Variants in MAST2 observed in about 807,000 individuals in gnomAD.
The protein encoded by MAST2 is microtubule associated serine/threonine kinase 2.
A neutral mutation model predicts 147.4 loss-of-function variants in MAST2; 70 were observed. The observed-to-expected ratio is 0.47, with a 90% CI of 0.39 to 0.58. The LOEUF (loss-of-function observed/expected upper bound fraction) is 0.58. MAST2 is among the 20% of genes least tolerant of loss of function. The probability of loss-of-function intolerance (pLI) is 0.00; values close to 1 mark genes in which losing one functional copy is unlikely to be tolerated. For synonymous variants in MAST2, 869 were observed against 896.8 expected, an observed-to-expected ratio of 0.97 and a Z score of 0.55; for missense variants, 2,080 against 2,302.3, an observed-to-expected ratio of 0.90 and a Z score of 1.98.
chr1:45,981,677 C>T (rs978170699), intron 5 of MAST2, among the ~76,000 whole-genome samples: 38 of 152,092 alleles, frequency 2.5e-4, no homozygotes, highest in African/African-American at 8.9e-4. Flanking sequence ...CAGAAATGTA[C>T]AAGGGCAGCT....
At chr1:45,876,074 A>G (rs558363008) in intron 3 of MAST2, among the ~76,000 whole-genome samples, 2 of 152,342 alleles carry the variant, frequency 1.3e-5, no homozygotes, top group East Asian at 3.9e-4. Flanking sequence ...CCAGGACAGA[A>G]GAGTGAATGA....
At chr1:45,849,183 A>G (rs796217049) in intron 3 of MAST2, among the ~76,000 whole-genome samples, 71 of 152,334 alleles carry the variant, frequency 4.7e-4, no homozygotes, top group African/African-American at 1.6e-3. Flanking sequence ...ATTCAATGCT[A>G]TTCCTATCAA....
Position 45,882,355 on chromosome 1 carries a change from G to GT in MAST2, c.469-4dup, listed in dbSNP as rs1646891095. ...CTTATTTCTAACTTGCATATGTTTT[G>GT]TTTTTCAGAAGGAGTTGAGCCTTCC... On this transcript the variant is annotated splice_polypyrimidine_tract_variant and intron_variant, in intron 3 of 28. Transcript: ENST00000361297. The GT allele has an allele frequency of 1.2e-6, 2 of 1,610,672 alleles. No individual in the cohort carries two copies. The highest frequency in any genetic ancestry group is 1.7e-5 in the Admixed American group (1 of 59,990).
intron 10 of MAST2, among the ~76,000 whole-genome samples, chr1:46,016,469 C>T (rs1218779469): frequency 7.3e-6 from 1 of 136,152 alleles, no homozygotes; most frequent in Non-Finnish European, 1.6e-5. Flanking sequence ...AGCTGATAAG[C>T]AACTTCAGCA....
chr1:46,035,324 C>A lies in MAST2; in HGVS notation c.4655C>A (p.Pro1552His). Residue 1552 changes from proline to histidine, a missense_variant, in exon 29 of 29, where the codon CCT becomes CAT. Physicochemically the swap from Pro to His is moderately conservative, Grantham distance 77. Transcript: ENST00000361297. The surrounding 1 kb of genome is among the most constrained non-coding windows in gnomAD (Gnocchi z 5.5). ...GEEDPFPSRD[P>H]RSLGPMVPSL... The stretch of plus-strand genomic sequence containing the variant: ...GAGGATCCTTTCCCGTCCAGAGACC[C>A]TAGGAGCCTGGGCCCAATGGTCCCA... The A allele has an allele frequency of 6.2e-7, 1 of 1,613,850 alleles. No individual in the cohort carries two copies. The highest frequency in any genetic ancestry group is 1.1e-5 in the South Asian group (1 of 91,060).
chr1:45,849,156 C>T (rs1244200739), intron 3 of MAST2, among the ~76,000 whole-genome samples: 1 of 152,124 alleles, frequency 6.6e-6, no homozygotes, highest in Non-Finnish European at 1.5e-5. Context: ...GACCATACTG[C>T]CTAAAGCAGT....
chr1:46,034,543 G>A lies in MAST2; in HGVS notation c.3874G>A (p.Gly1292Arg), dbSNP rs1322794161. 1.2e-6 allele frequency: 2 copies of A among 1,612,608 alleles called. No homozygotes were observed. Among genetic ancestry groups the A allele is most frequent in the Non-Finnish European group, 1.7e-6 (2 of 1,179,370 alleles). ...CTGTCTGTCTCTGTACAAAGTGGGA[G>A]GGAATTCATCACAGAGCAGCTCCCC... ...VTPDAVHSVG[G>R]NSSQSSSPSS... Residue 1292 changes from glycine (G) to arginine (R), a missense_variant, in exon 29 of 29, where the codon GGG becomes AGG. Gly to Arg is a moderately radical substitution (Grantham distance 125). Coordinates refer to ENST00000361297, the MANE Select transcript of MAST2 (RefSeq NM_015112.3).
rs1420471366 is a variant in MAST2, at chr1:46,034,344, ATC to A, written c.3868+79_3868+80del. 2.0e-6 allele frequency: 3 copies of A among 1,467,994 alleles called. No individual in the cohort carries two copies. The African/African-American group carries it at 4.3e-5, about 21-fold the overall frequency. 90.9% of individuals were successfully genotyped at this position (1,467,994 alleles called of 1,614,324 possible). ...CCTAGGCCCTGTGTGCTTCTGACAG[ATC>A]CCACTCTGAGTCTCTCATTTAGCCC... On this transcript the variant is annotated intron_variant, in intron 28 of 28. Coordinates refer to ENST00000361297, the MANE Select transcript of MAST2 (RefSeq NM_015112.3).
At chr1:45,831,473 A>G (rs1386366844) in intron 3 of MAST2, among the ~76,000 whole-genome samples, 1 of 152,192 alleles carries the variant, frequency 6.6e-6, no homozygotes, top group Non-Finnish European at 1.5e-5. Context: ...TTCTCAGGCC[A>G]CAGAGAGAAT....
chr1:45,828,878 CACACCA>C (rs1644869934), intron 2 of MAST2, among the ~76,000 whole-genome samples: 1 of 151,732 alleles, frequency 6.6e-6, no homozygotes, highest in East Asian at 1.9e-4. Flanking sequence ...GAGCTGAGAT[CACACCA>C]CTGCACTCCA....
chr1:45,905,862 T>G (rs1650632349), intron 4 of MAST2, among the ~76,000 whole-genome samples: 1 of 152,198 alleles, frequency 6.6e-6, no homozygotes. Context: ...TTTAAGTTTC[T>G]AAAAAATTGC....
intron 4 of MAST2, among the ~76,000 whole-genome samples, chr1:45,908,756 C>G (rs1651185021): frequency 6.6e-6 from 1 of 152,038 alleles, no homozygotes; most frequent in South Asian, 2.1e-4. Context: ...GAACTCTAGC[C>G]CATGCCTCCT....
intron 4 of MAST2, among the ~76,000 whole-genome samples, chr1:45,915,904 A>G (rs1652431785): frequency 6.6e-6 from 1 of 152,172 alleles, no homozygotes; most frequent in African/African-American, 2.4e-5. Context: ...CATATATATG[A>G]AGGAGCTTAA....
At chr1:45,897,342 C>A (rs1031241410) in intron 4 of MAST2, among the ~76,000 whole-genome samples, 1 of 152,220 alleles carries the variant, frequency 6.6e-6, no homozygotes, top group Non-Finnish European at 1.5e-5. Context: ...AAGCACTACT[C>A]ACCCCAGTAA....
At chr1:45,987,762 G>GTTTTTTTTT (rs11462786) in intron 5 of MAST2, among the ~76,000 whole-genome samples, 1 of 62,732 alleles carries the variant, frequency 1.6e-5, no homozygotes, top group African/African-American at 6.6e-5. Context: ...AGCATTTCTT[G>GTTTTTTTTT]TTTTTTTTTT....
intron 1 of MAST2, among the ~76,000 whole-genome samples, chr1:45,807,918 C>G (rs935258368): frequency 3.9e-5 from 6 of 152,108 alleles, no homozygotes; most frequent in Admixed American, 1.3e-4. Context: ...TTTAAAAAGG[C>G]CAAAATTTTC....
chr1:45,949,178 A>G (rs1235505393), intron 4 of MAST2, among the ~76,000 whole-genome samples: 2 of 152,206 alleles, frequency 1.3e-5, no homozygotes, highest in Non-Finnish European at 2.9e-5. Context: ...GGCAGATTTC[A>G]TGACAAAGAC....
chr1:45,986,663 G>A lies in MAST2; in HGVS notation c.593-11061G>A, dbSNP rs1644632260. On this transcript the variant is annotated intron_variant, in intron 5 of 28. Transcript: ENST00000361297. ...ACCTGGGAGGCGGAGCTTGCAGTGA[G>A]CCGAGATTGCGCCATTGCACTCCAG... is the stretch of plus-strand genomic sequence containing the variant. Among the ~76,000 whole-genome samples the A allele has an allele frequency of 4.8e-5, 7 of 145,888 alleles. No individual in the cohort carries two copies. In the Admixed American group the frequency reaches 5.0e-4, roughly 10 times the overall value.
intron 5 of MAST2, among the ~76,000 whole-genome samples, chr1:45,975,977 CT>C (rs11311601): frequency 0.45 from 64,003 of 143,620 alleles, 13,794 homozygotes; most frequent in East Asian, 0.62. Context: ...AAACTGAATA[CT>C]TTTTTTTTTT....
Sources: allele counts gnomAD v4.1 joint callset (sites outside exome capture counted in the v4.1 genomes callset), GRCh38; gene constraint gnomAD v4.1.1; non-coding constraint Gnocchi (gnomAD v3.1); transcripts MANE v1.5; gene names NCBI Gene and HGNC (gene_info 2026-07-23, HGNC 2026-07-21).